The following VPS13A variants were observed in gnomAD, a reference collection of about 807,000 sequenced individuals.
The protein encoded by VPS13A is intermembrane lipid transfer protein VPS13A.
VPS13A carries 264 observed loss-of-function variants against 390.9 expected under a neutral mutation model. The observed-to-expected ratio is 0.68, with a 90% confidence interval of 0.61 to 0.75. The LOEUF (loss-of-function observed/expected upper bound fraction) is 0.75, where lower values mean the gene tolerates loss of function less well. Ranked by LOEUF, VPS13A falls within the 30% of genes least tolerant of loss-of-function variation. The probability of loss-of-function intolerance (pLI) is 0.00; values close to 1 mark genes in which losing one functional copy is unlikely to be tolerated. For synonymous variants in VPS13A, 1,231 were observed against 1,227.1 expected (o/e 1.00, Z -0.07); for missense variants, 3,409 against 3,733.9 (o/e 0.91, Z 2.27).
At chr9:77,326,818 C>T (rs1830039260) in intron 45 of VPS13A, among the ~76,000 whole-genome samples, 2 of 152,060 alleles carry the variant, frequency 1.3e-5, no homozygotes, top group African/African-American at 2.4e-5. Context: ...CTTCATTCTT[C>T]CTGTTTCTTT....
chr9:77,349,591 A>G (rs1040141641), intron 52 of VPS13A, among the ~76,000 whole-genome samples: 3 of 152,094 alleles, frequency 2.0e-5, no homozygotes, highest in Admixed American at 2.0e-4. Flanking sequence ...ATTGTTCAGA[A>G]TTTTTATTTC....
chr9:77,412,623 C>A (rs1460980668), intron 71 of VPS13A, among the ~76,000 whole-genome samples: 1 of 152,132 alleles, frequency 6.6e-6, no homozygotes, highest in Non-Finnish European at 1.5e-5. Flanking sequence ...CTATCTATGA[C>A]AAACCCACAG....
At chr9:77,207,253 A>ATATATATATAT (rs68085065) in intron 5 of VPS13A, among the ~76,000 whole-genome samples, 5 of 91,572 alleles carry the variant, frequency 5.5e-5, no homozygotes, top group Non-Finnish European at 1.1e-4. Context: ...ATATATATAT[A>ATATATATATAT]AAACGTGTTA....
intron 61 of VPS13A, among the ~76,000 whole-genome samples, chr9:77,367,726 A>G (rs1035207421): frequency 3.9e-5 from 6 of 152,216 alleles, no homozygotes; most frequent in African/African-American, 1.2e-4. Flanking sequence ...TATGTGGGCC[A>G]TGATAGGACA....
At chr9:77,255,274 A>AT (rs886294963) in intron 22 of VPS13A, among the ~76,000 whole-genome samples, 26 of 151,942 alleles carry the variant, frequency 1.7e-4, no homozygotes, top group Non-Finnish European at 3.4e-4. Flanking sequence ...GATCAAGATG[A>AT]TTTTTTTCCT....
Position 77,407,560 on chromosome 9 carries a change from A to G in VPS13A, c.9427A>G (p.Arg3143Gly). ...KERVKSVFHA[R>G]EFGKIINFKT... ...ACGAGTGAAGTCTGTATTTCATGCC[A>G]GAGAGTTTGGAAAAATAATTAACTT... Residue 3143 changes from arginine (R) to glycine (G), a missense_variant, in exon 71 of 72, where the codon AGA becomes GGA. Around this residue, in one of 5 missense-constraint regions of VPS13A, gnomAD observed 318 missense variants for 333.7 expected, o/e 0.95. Coordinates refer to ENST00000360280, the MANE Select transcript of VPS13A (RefSeq NM_033305.3). 2 of 1,613,028 alleles carry G rather than the reference A, an allele frequency of 1.2e-6. No individual in the cohort carries two copies. The highest frequency in any genetic ancestry group is 1.7e-6 in the Non-Finnish European group (2 of 1,179,194).
chr9:77,337,252 C>A lies in VPS13A; in HGVS notation c.6096-3C>A, dbSNP rs753054165. 1.2e-6 allele frequency: 2 copies of A among 1,609,754 alleles called. No individual in the cohort carries two copies. The highest frequency in any genetic ancestry group is 3.3e-5 in the Admixed American group (2 of 59,936). On this transcript the variant is annotated splice_polypyrimidine_tract_variant and splice_region_variant and intron_variant, in intron 46 of 71. Coordinates refer to ENST00000360280, the MANE Select transcript of VPS13A (RefSeq NM_033305.3). ...TTAAACTGTATCATTTAATCTCATG[C>A]AGATCATTCATTTTTCTGAAGCCAG...
rs1823517399 is a variant in VPS13A, at chr9:77,226,399, C to CTTAT, written c.1225-66_1225-63dup. On this transcript the variant is annotated intron_variant, in intron 14 of 71. Coordinates refer to ENST00000360280, the MANE Select transcript of VPS13A (RefSeq NM_033305.3). ...GAGGATAAGTTCTCAGAATGTCTTG[C>CTTAT]TTATATTTGTTTCAGTTGCTAAATA... 3 of 1,429,358 alleles carry CTTAT rather than the reference C, an allele frequency of 2.1e-6. No homozygotes were observed. In the Admixed American group the frequency reaches 5.1e-5, roughly 24 times the overall value. The allele number at this position is 1,429,358 out of a possible 1,614,324, so 88.5% of individuals were successfully genotyped here.
At chr9:77,257,265 T>C (rs1825501675) in intron 22 of VPS13A, among the ~76,000 whole-genome samples, 1 of 152,174 alleles carries the variant, frequency 6.6e-6, no homozygotes, top group Non-Finnish European at 1.5e-5. Context: ...GACAGGGTCT[T>C]GTTCTGTCAC....
chr9:77,395,848 G>T (rs1834098775), intron 68 of VPS13A: 1 of 152,088 alleles, frequency 6.6e-6, no homozygotes, highest in Non-Finnish European at 1.5e-5. Flanking sequence ...ATTTAAAAAA[G>T]AATCTTTTTT....
intron 57 of VPS13A, among the ~76,000 whole-genome samples, chr9:77,358,704 G>A (rs148510658): frequency 1.3e-5 from 2 of 152,268 alleles, no homozygotes; most frequent in African/African-American, 4.8e-5. Context: ...CTGTAAACCT[G>A]CGATTTAAAA....
At chr9:77,182,709 A>G (rs979826864) in intron 1 of VPS13A, among the ~76,000 whole-genome samples, 4 of 152,122 alleles carry the variant, frequency 2.6e-5, no homozygotes, top group African/African-American at 9.7e-5. Context: ...CTTTGTCTCT[A>G]TTTTGTTTTC....
intron 26 of VPS13A, among the ~76,000 whole-genome samples, 191 bp downstream of exon 26, chr9:77,276,412 T>A (rs924318581): frequency 6.6e-6 from 1 of 152,232 alleles, no homozygotes; most frequent in East Asian, 1.9e-4. Context: ...AAAATGAAGA[T>A]AATTTTATTC....
At chr9:77,293,253 G>A in intron 31 of VPS13A, 88 bp from the exon 32 acceptor site, 1 of 1,219,480 alleles carries the variant, frequency 8.2e-7, no homozygotes, top group Non-Finnish European at 1.2e-6. Flanking sequence ...TTCTAACTAT[G>A]TTTTGTTATT....
At chr9:77,395,389 T>C (rs1035533477) in intron 68 of VPS13A, among the ~76,000 whole-genome samples, 2 of 152,160 alleles carry the variant, frequency 1.3e-5, no homozygotes, top group Non-Finnish European at 2.9e-5. Flanking sequence ...GGCTGTAGTT[T>C]ATGGCACCTC....
chr9:77,293,572 G>T, intron 32 of VPS13A, 64 bp downstream of exon 32: 1 of 963,226 alleles, frequency 1.0e-6, no homozygotes, highest in South Asian at 3.0e-5. Context: ...TGTCAAATAT[G>T]GATGAAGACT....
At chr9:77,220,847 A>G (rs527792639) in intron 12 of VPS13A, among the ~76,000 whole-genome samples, 7 of 152,170 alleles carry the variant, frequency 4.6e-5, no homozygotes, top group African/African-American at 1.7e-4. Flanking sequence ...GCTATTCCCT[A>G]GTTTCTAGAA....
chr9:77,353,368 A>T (rs780393982), intron 53 of VPS13A, 41 bp from the exon 54 acceptor site: 35 of 1,434,770 alleles, frequency 2.4e-5, no homozygotes, highest in South Asian at 2.3e-4. Context: ...ACCAAATTCT[A>T]ATTTTTTGGT....
At chr9:77,183,378 T>G (rs1399315111) in intron 1 of VPS13A, among the ~76,000 whole-genome samples, 1 of 152,202 alleles carries the variant, frequency 6.6e-6, no homozygotes, top group Non-Finnish European at 1.5e-5. Flanking sequence ...CTAACCCTCC[T>G]TGTCCCTTAT....
Sources: gnomAD v4.1 joint callset for allele counts (sites outside exome capture counted in the v4.1 genomes callset) on GRCh38, gnomAD v4.1.1 for gene constraint, gnomAD v4.1.1 regional missense constraint, MANE v1.5 for transcripts, NCBI Gene and HGNC (gene_info 2026-07-23, HGNC 2026-07-21) for gene names.